The following KHSRP variants were observed in gnomAD, a reference collection of about 807,000 sequenced individuals.
The protein encoded by KHSRP is KH-type splicing regulatory protein.
Under a neutral mutation model 94.9 loss-of-function variants are expected in KHSRP, and 13 were observed. The ratio of observed to expected loss-of-function variants is 0.14; its 90% CI spans 0.09 to 0.22. KHSRP has a LOEUF of 0.22. Among genes scored for constraint, KHSRP ranks in the 10% least tolerant of loss-of-function variants. The pLI is 1.00. For synonymous variants in KHSRP, 495 were observed against 401.4 expected (o/e 1.23, Z -2.79); for missense variants, 710 against 1,010.0 (o/e 0.70, Z 4.03).
rs2860164 is a variant in KHSRP, at chr19:6,419,271, G to A, written c.548-11C>T. On this transcript the variant is annotated splice_polypyrimidine_tract_variant and intron_variant, in intron 6 of 18. Coordinates refer to ENST00000600480, the MANE Select transcript of KHSRP (RefSeq NM_001366299.1). ...GTAGGCCACCGCTGTCTGAAAAGAG[G>A]AGATAGAGTCAGTGCCCTCCCTGGC... The A allele has an allele frequency of 1.5e-3, 2,348 of 1,562,862 alleles. 7 individuals are homozygous for A. The highest frequency in any genetic ancestry group is 4.3e-3 in the South Asian group (361 of 84,732).
Position 6,416,659 on chromosome 19 carries a change from A to T in KHSRP, c.1328-9T>A, listed in dbSNP as rs561903175. 3 of 1,613,830 alleles carry T rather than the reference A, an allele frequency of 1.9e-6. No individual in the cohort carries two copies. The highest frequency in any genetic ancestry group is 2.5e-6 in the Non-Finnish European group (3 of 1,179,790). ...TTTCACATTCTCGCCACCTGCAGAA[A>T]CGCAGAAGGTGAAGGTGGCCTGCAG... On this transcript the variant is annotated splice_polypyrimidine_tract_variant and intron_variant, in intron 13 of 18. Transcript: ENST00000600480.
chr19:6,422,006 C>T (rs555622732), intron 2 of KHSRP, among the ~76,000 whole-genome samples: 5 of 152,260 alleles, frequency 3.3e-5, no homozygotes, highest in East Asian at 1.9e-4. Context: ...GTTGATCATC[C>T]GCTACTTGGG....
Position 6,413,816 on chromosome 19 carries a change from A to C in KHSRP, c.*1208T>G. 1 of 176,336 alleles carries C rather than the reference A, an allele frequency of 5.7e-6. No homozygotes were observed. Among genetic ancestry groups the C allele is most frequent in the Non-Finnish European group, 1.1e-5 (1 of 92,246 alleles). The allele number at this position is 176,336 out of a possible 1,614,324, so 10.9% of individuals were successfully genotyped here. On this transcript the variant is annotated 3_prime_UTR_variant, in exon 19 of 19. Coordinates refer to ENST00000600480, the MANE Select transcript of KHSRP (RefSeq NM_001366299.1). The stretch of plus-strand genomic sequence containing the variant: ...GTTCTGCTTTGCTCTTTGTGTTTTT[A>C]ATTTTTAAGTTTTTTTTTTTTTTTG...
intron 1 of KHSRP, among the ~76,000 whole-genome samples, chr19:6,423,368 C>T (rs1179606222): frequency 6.6e-6 from 1 of 152,218 alleles, no homozygotes; most frequent in South Asian, 2.1e-4. Context: ...AACCTCAACC[C>T]AGCAAACTTA....
chr19:6,419,348 CAAGGGCCA>C, intron 6 of KHSRP, 88 bp from the exon 7 acceptor site: 1 of 1,214,158 alleles, frequency 8.2e-7, no homozygotes, highest in Non-Finnish European at 1.2e-6. Flanking sequence ...TCAGAACAAC[CAAGGGCCA>C]CTTCTGTCCC....
At chr19:6,423,384 A>T (rs1280524876) in intron 1 of KHSRP, among the ~76,000 whole-genome samples, 4 of 152,248 alleles carry the variant, frequency 2.6e-5, no homozygotes, top group Non-Finnish European at 4.4e-5. Flanking sequence ...ACTTAGGATC[A>T]GAGTCTGGGG....
chr19:6,415,318 G>A lies in KHSRP; in HGVS notation c.1967-17C>T. ...CCACTTGCGCTGTGGGTGGACAAAG[G>A]CAGGTGAGAGGCTGTGGGTGAGGGC... On this transcript the variant is annotated splice_polypyrimidine_tract_variant and intron_variant, in intron 18 of 18. Coordinates refer to ENST00000600480, the MANE Select transcript of KHSRP (RefSeq NM_001366299.1). The A allele has an allele frequency of 6.2e-7, 1 of 1,613,510 alleles. No individual in the cohort carries two copies. The highest frequency in any genetic ancestry group is 8.5e-7 in the Non-Finnish European group (1 of 1,179,816).
At chr19:6,419,114 G>C in intron 7 of KHSRP, 89 bp downstream of exon 7, 1 of 1,307,998 alleles carries the variant, frequency 7.6e-7, no homozygotes, top group South Asian at 1.3e-5. Context: ...GACATGGCGT[G>C]CAAGTTGCTC....
Position 6,413,413 on chromosome 19 carries a change from A to G in KHSRP, c.*1611T>C, listed in dbSNP as rs902634358. 7.4e-6 allele frequency: 3 copies of G among 405,910 alleles called. No individual in the cohort carries two copies. Among genetic ancestry groups the G allele is most frequent in the African/African-American group, 6.6e-5 (3 of 45,732 alleles). 25.1% of individuals were successfully genotyped at this position (405,910 alleles called of 1,614,324 possible). A position where few individuals can be genotyped will look rare whatever the true frequency, so the allele number is the denominator to read the frequency against. ...GATAAAAAGTAAAAACTGCCATACA[A>G]TTTTTTTTGTTGTTCTCATTTTGTT... On this transcript the variant is annotated 3_prime_UTR_variant, in exon 19 of 19. Coordinates refer to ENST00000600480, the MANE Select transcript of KHSRP (RefSeq NM_001366299.1).
At chr19:6,423,800 G>A (rs1208864620) in intron 1 of KHSRP, among the ~76,000 whole-genome samples, 1 of 152,200 alleles carries the variant, frequency 6.6e-6, no homozygotes, top group Non-Finnish European at 1.5e-5. Context: ...GTCAGTCCTA[G>A]CAGCATGTGA....
In KHSRP at chr19:6,418,945, C is replaced by G; in HGVS notation, c.606-69G>C. 4.1e-6 allele frequency: 6 copies of G among 1,451,122 alleles called. No homozygotes were observed. The highest frequency in any genetic ancestry group is 1.4e-5 in the African/African-American group (1 of 70,528). 89.9% of individuals were successfully genotyped at this position (1,451,122 alleles called of 1,614,324 possible). ...AGAAAGGTACTGGTCTGGTGGCCCA[C>G]CCAGCTCAAAGGGAAGGCGACCCCA... is the stretch of plus-strand genomic sequence containing the variant. On this transcript the variant is annotated intron_variant, in intron 7 of 18. Transcript: ENST00000600480. This position sits in a 1 kb window ranked among gnomAD's most constrained non-coding sequence, Gnocchi z 4.3.
chr19:6,418,756 C>A lies in KHSRP; in HGVS notation c.726G>T (p.Ala242=). Residue 242 remains alanine (A), a synonymous_variant, in exon 8 of 19, where the codon GCG becomes GCT. Transcript: ENST00000600480. The surrounding 1 kb of genome is among the most constrained non-coding windows in gnomAD (Gnocchi z 4.3). ...NGTVQEIMIP[A]GKAGLVIGKG... is the part of the protein sequence containing the mutation. ...TGCCAATGACCAGGCCGGCCTTGCC[C>A]GCGGGGATCATGATCTCCTGCACGG... 6.2e-7 allele frequency: 1 copy of A among 1,613,056 alleles called. No individual in the cohort carries two copies. Among genetic ancestry groups the A allele is most frequent in the Non-Finnish European group, 8.5e-7 (1 of 1,179,614 alleles).
intron 11 of KHSRP, 22 bp from the exon 12 acceptor site, chr19:6,417,109 C>G (rs763751176): frequency 1.3e-6 from 2 of 1,575,990 alleles, no homozygotes; most frequent in African/African-American, 2.7e-5. Flanking sequence ...ACCGAGAGAG[C>G]AGAGACACAA....
chr19:6,420,297 G>A, intron 5 of KHSRP, 125 bp downstream of exon 5: 5 of 1,158,308 alleles, frequency 4.3e-6, no homozygotes, highest in Non-Finnish European at 6.4e-6. Flanking sequence ...GGGGACGAAG[G>A]AGGGACAAAT....
chr19:6,419,721 CCTCTGTCCAAGGCACCA>C (rs1036545421), intron 6 of KHSRP, among the ~76,000 whole-genome samples: 3 of 152,200 alleles, frequency 2.0e-5, no homozygotes, highest in Non-Finnish European at 4.4e-5. Context: ...CAGAGTGACC[CCTCTGTCCAAGGCACCA>C]CCCTGTCTCA....
chr19:6,414,370 G>A lies in KHSRP; in HGVS notation c.*654C>T. ...GCAGGAAGAGAGGAGAGGGGCCGCG[G>A]AGGGCGGAGGCGCTAGGGTCGTAGG... On this transcript the variant is annotated 3_prime_UTR_variant, in exon 19 of 19. Transcript: ENST00000600480. 1 of 1,350,986 alleles carries A rather than the reference G, an allele frequency of 7.4e-7. No individual in the cohort carries two copies. Among genetic ancestry groups the A allele is most frequent in the African/African-American group, 1.5e-5 (1 of 67,838 alleles). 83.7% of individuals were successfully genotyped at this position (1,350,986 alleles called of 1,614,324 possible).
intron 11 of KHSRP, among the ~76,000 whole-genome samples, chr19:6,417,327 A>G (rs1291623240): frequency 6.6e-6 from 1 of 152,210 alleles, no homozygotes; most frequent in Non-Finnish European, 1.5e-5. Context: ...CACCCCCAGC[A>G]CTGAGAGATT....
At position 6,413,922 on chromosome 19, in the gene KHSRP, C is replaced by G; in HGVS notation, c.*1102G>C. 1.7e-6 allele frequency: 1 copy of G among 573,788 alleles called. No individual in the cohort carries two copies. Among genetic ancestry groups the G allele is most frequent in the South Asian group, 5.6e-5 (1 of 17,740 alleles). The allele number at this position is 573,788 out of a possible 1,614,324, so 35.5% of individuals were successfully genotyped here. A position where few individuals can be genotyped will look rare whatever the true frequency, so the allele number is the denominator to read the frequency against. On this transcript the variant is annotated 3_prime_UTR_variant, in exon 19 of 19. Transcript: ENST00000600480. Reference sequence around the variant, plus strand: ...ATTTTGAAAGAAAAAGCATGTGAGACACAGAACAGGCGAGAGAGTGAGGGC... The same window carrying G: ...ATTTTGAAAGAAAAAGCATGTGAGAGACAGAACAGGCGAGAGAGTGAGGGC...
rs769674438 is a variant in KHSRP, at chr19:6,417,850, G to C, written c.979-9C>G. 6.2e-7 allele frequency: 1 copy of C among 1,612,824 alleles called. No individual in the cohort carries two copies. The highest frequency in any genetic ancestry group is 1.3e-5 in the African/African-American group (1 of 74,920). ...TGCCTGGGCACTGGCACCTGGGGAGGGAGGCAGCAGCGTCAGCTCGGCCCG... is the reference window on the plus strand; with the variant it reads ...TGCCTGGGCACTGGCACCTGGGGAGCGAGGCAGCAGCGTCAGCTCGGCCCG... On this transcript the variant is annotated splice_polypyrimidine_tract_variant and intron_variant, in intron 10 of 18. Coordinates refer to ENST00000600480, the MANE Select transcript of KHSRP (RefSeq NM_001366299.1).
Sources: allele counts gnomAD v4.1 joint callset (sites outside exome capture counted in the v4.1 genomes callset), GRCh38; gene constraint gnomAD v4.1.1; non-coding constraint Gnocchi (gnomAD v3.1); transcripts MANE v1.5; gene names NCBI Gene and HGNC (gene_info 2026-07-23, HGNC 2026-07-21).